MIER2: variants seen among roughly 807,000 people sequenced by gnomAD.
The protein encoded by MIER2 is MIER family member 2.
A neutral mutation model predicts 67.6 loss-of-function variants in MIER2; 30 were observed. The ratio of observed to expected loss-of-function variants is 0.44; its 90% CI spans 0.33 to 0.60. The LOEUF (loss-of-function observed/expected upper bound fraction) is 0.60, where lower values mean the gene tolerates loss of function less well. Ranked by LOEUF, MIER2 falls within the 20% of genes least tolerant of loss-of-function variation. The pLI is 0.02. For synonymous variants in MIER2, 372 were observed against 312.6 expected (o/e 1.19, Z -2.00); for missense variants, 702 against 745.1 (o/e 0.94, Z 0.67).
At chr19:340,355 T>C (rs139380406) in intron 1 of MIER2, among the ~76,000 whole-genome samples, 2,453 of 152,286 alleles carry the variant, frequency 0.016, 30 homozygotes, top group Non-Finnish European at 0.026. Flanking sequence ...TCCCCGACAC[T>C]TGATTAATAG....
intron 1 of MIER2, among the ~76,000 whole-genome samples, chr19:343,340 C>T (rs910261306): frequency 7.2e-5 from 11 of 152,244 alleles, no homozygotes; most frequent in South Asian, 4.1e-4. Flanking sequence ...TCGACCACCA[C>T]GTCGCTGCAG....
At chr19:334,332 C>CA (rs1972144836) in intron 3 of MIER2, 68 bp downstream of exon 3, 10 of 1,597,836 alleles carry the variant, frequency 6.3e-6, no homozygotes, top group Middle Eastern at 1.7e-4. Context: ...CTGAGCTGCA[C>CA]AAAACTCATG....
At chr19:330,780 C>G (rs1016674210) in intron 3 of MIER2, among the ~76,000 whole-genome samples, 1 of 152,120 alleles carries the variant, frequency 6.6e-6, no homozygotes, top group Non-Finnish European at 1.5e-5. Flanking sequence ...GAGGACACAG[C>G]AAGCCAAGAA....
At chr19:339,812 A>G (rs878686) in intron 1 of MIER2, among the ~76,000 whole-genome samples, 82,860 of 148,346 alleles carry the variant, frequency 0.56, 24,334 homozygotes, top group African/African-American at 0.68. Context: ...AGGGGCTGGG[A>G]GTTGATCTGG....
intron 1 of MIER2, among the ~76,000 whole-genome samples, chr19:339,683 G>A (rs1483756209): frequency 5.3e-5 from 8 of 152,178 alleles, no homozygotes; most frequent in East Asian, 1.9e-4. Context: ...GACGCACCTC[G>A]AAAGACTCAT....
At chr19:323,829 C>G (rs987358161) in intron 7 of MIER2, among the ~76,000 whole-genome samples, 8 of 151,836 alleles carry the variant, frequency 5.3e-5, no homozygotes, top group Admixed American at 1.3e-4. Flanking sequence ...ACAAGACACA[C>G]AAAACCACAC....
rs181628355 is a variant in MIER2, at chr19:337,964, C to T, written c.10-1791G>A. Among the ~76,000 whole-genome samples the T allele has an allele frequency of 4.6e-3, 694 of 149,912 alleles. 4 individuals carry two copies. The highest frequency in any genetic ancestry group is 0.011 in the Middle Eastern group (3 of 282). On this transcript the variant is annotated intron_variant, in intron 1 of 13. Transcript: ENST00000264819. ...CGAGGTGGGCAGATCACGAGGTCAG[C>T]AGATGGAGATCATCCTGGCCAACAA... is the stretch of plus-strand genomic sequence containing the variant.
rs923573895 is a variant in MIER2, at chr19:310,771, A to G, written c.984+1074T>C. 4.0e-5 allele frequency among the ~76,000 whole-genome samples: 5 copies of G among 125,588 alleles called. No homozygotes were observed. In the Admixed American group the frequency reaches 4.0e-4, roughly 10 times the overall value. 82.4% of individuals were successfully genotyped at this position (125,588 alleles called of 152,430 possible). ...CCGGAGCTACAGAAACACGGAGTCC[A>G]TAGAAACACGGCCCAGAGTCCAGAA... On this transcript the variant is annotated intron_variant, in intron 10 of 13. Transcript: ENST00000264819.
chr19:327,041 G>T, intron 5 of MIER2, 92 bp downstream of exon 5: 1 of 1,481,800 alleles, frequency 6.7e-7, no homozygotes, highest in Non-Finnish European at 9.0e-7. Context: ...ATGAGTTCTT[G>T]GCCTGCATCA....
At position 327,939 on chromosome 19, in the gene MIER2, C is replaced by T. The variant is rs115844135; in HGVS notation, c.294G>A (p.Ala98=). 1.1e-3 allele frequency: 1,850 copies of T among 1,612,950 alleles called. 15 individuals are homozygous for T. In the African/African-American group the frequency reaches 0.02, roughly 17 times the overall value. ...DELLALYGYE[A]SDPISDRESE... is the part of the protein sequence containing the mutation. ...TCTCCCGGTCTGAAATGGGGTCTGACGCCTCGTAGCCATAGAGCGCAAGCA... is the reference window on the plus strand; with the variant it reads ...TCTCCCGGTCTGAAATGGGGTCTGATGCCTCGTAGCCATAGAGCGCAAGCA... The change falls in exon 4 of 14, where the codon GCG becomes GCA. Residue 98 remains alanine, a synonymous_variant. Transcript: ENST00000264819.
At position 308,388 on chromosome 19, in the gene MIER2, C is replaced by T. The variant is rs953158861; in HGVS notation, c.1198+189G>A. On this transcript the variant is annotated intron_variant, in intron 12 of 13. Transcript: ENST00000264819. The surrounding 1 kb of genome is among the most constrained non-coding windows in gnomAD (Gnocchi z 9.1). ...AGAGGGTAAGCGTAATCCCTGCCCT[C>T]CCCTCTCCCAGCCAGGTGTACAGAG... is the stretch of plus-strand genomic sequence containing the variant. Among the ~76,000 whole-genome samples, 1 of 152,178 alleles carries T rather than the reference C, an allele frequency of 6.6e-6. No individual in the cohort carries two copies. The highest frequency in any genetic ancestry group is 1.5e-5 in the Non-Finnish European group (1 of 68,016).
chr19:316,275 G>T (rs908592624), intron 7 of MIER2, among the ~76,000 whole-genome samples: 1 of 151,760 alleles, frequency 6.6e-6, no homozygotes, highest in South Asian at 2.1e-4. Context: ...AAACAACAAT[G>T]TTATCATCTT....
At chr19:340,941 C>T (rs1039906969) in intron 1 of MIER2, among the ~76,000 whole-genome samples, 1 of 152,224 alleles carries the variant, frequency 6.6e-6, no homozygotes, top group Non-Finnish European at 1.5e-5. Context: ...GCACAGAGTG[C>T]ATGGCAGCTG....
In MIER2 at chr19:307,349, C is replaced by T. The variant is rs79410238; in HGVS notation, c.1386G>A (p.Pro462=). ...CCAGCCTTGGGCTGGCGTCTGGCTC[C>T]GGAGCAGTGACAGCTGGCTGGTATG... The part of the protein sequence containing the change: ...PASYQPAVTA[P]EPDASPRLAV... The change falls in exon 13 of 14, where the codon CCG becomes CCA. Residue 462 remains proline, a synonymous_variant. Transcript: ENST00000264819. 2,886 of 1,604,860 alleles carry T rather than the reference C, an allele frequency of 1.8e-3. 45 individuals carry two copies. The African/African-American group carries it at 0.032, about 18-fold the overall frequency.
chr19:330,892 A>G (rs1971993353), intron 3 of MIER2, among the ~76,000 whole-genome samples: 1 of 152,156 alleles, frequency 6.6e-6, no homozygotes, highest in East Asian at 1.9e-4. Context: ...CCACTCCACA[A>G]CTACTCTCTA....
intron 7 of MIER2, among the ~76,000 whole-genome samples, chr19:324,307 C>A (rs548118456): frequency 7.3e-6 from 1 of 136,906 alleles, no homozygotes; most frequent in Non-Finnish European, 1.5e-5. Context: ...ACAAGACACA[C>A]ACAACCACGC....
intron 7 of MIER2, among the ~76,000 whole-genome samples, chr19:322,581 A>G (rs1971546514): frequency 6.6e-6 from 1 of 152,186 alleles, no homozygotes; most frequent in Non-Finnish European, 1.5e-5. Flanking sequence ...ACACCTGCGA[A>G]AGGTGCTCAC....
intron 1 of MIER2, among the ~76,000 whole-genome samples, chr19:336,708 G>C (rs1205568815): frequency 6.6e-6 from 1 of 152,134 alleles, no homozygotes; most frequent in Non-Finnish European, 1.5e-5. Context: ...GGTGATGGTT[G>C]CATGGTCGTG....
chr19:331,625 C>T (rs748339804), intron 3 of MIER2, among the ~76,000 whole-genome samples: 3 of 152,058 alleles, frequency 2.0e-5, no homozygotes, highest in Non-Finnish European at 2.9e-5. Context: ...ACTATGATTG[C>T]ACCACTGCAC....
Sources: gnomAD v4.1 joint callset for allele counts (sites outside exome capture counted in the v4.1 genomes callset) on GRCh38, gnomAD v4.1.1 for gene constraint, Gnocchi (gnomAD v3.1) non-coding constraint, MANE v1.5 for transcripts, NCBI Gene and HGNC (gene_info 2026-07-23, HGNC 2026-07-21) for gene names.